Variants in DCC observed in about 807,000 individuals in gnomAD.
DCC encodes netrin receptor DCC.
DCC carries 58 observed loss-of-function variants against 172.5 expected under a neutral mutation model. That is an observed-to-expected ratio of 0.34 (90% confidence interval 0.27 to 0.42). The LOEUF (loss-of-function observed/expected upper bound fraction) is 0.42. Among genes scored for constraint, DCC ranks in the 10% least tolerant of loss-of-function variants. DCC has a pLI of 1.00. For synonymous variants in DCC, 709 were observed against 644.5 expected (o/e 1.10, Z -1.52); for missense variants, 1,740 against 1,791.0 (o/e 0.97, Z 0.51).
At chr18:53,508,297 A>G (rs896726426) in intron 27 of DCC, among the ~76,000 whole-genome samples, 2 of 151,880 alleles carry the variant, frequency 1.3e-5, no homozygotes, top group South Asian at 4.2e-4. Flanking sequence ...GGCAGTGGTT[A>G]TCCTCTCGCC....
intron 15 of DCC, among the ~76,000 whole-genome samples, chr18:53,382,937 T>C (rs1907880479): frequency 6.6e-6 from 1 of 152,148 alleles, no homozygotes; most frequent in South Asian, 2.1e-4. Context: ...TTTATAGATG[T>C]CTATCAGAGA....
At chr18:52,533,962 G>A (rs1003650176) in intron 1 of DCC, among the ~76,000 whole-genome samples, 2 of 151,952 alleles carry the variant, frequency 1.3e-5, no homozygotes, top group African/African-American at 2.4e-5. Flanking sequence ...GTGAATATGT[G>A]GACTTTGTGA....
chr18:52,518,530 A>G lies in DCC; in HGVS notation c.91+177652A>G, dbSNP rs541230556. Among the ~76,000 whole-genome samples, 3 of 152,354 alleles carry G rather than the reference A, an allele frequency of 2.0e-5. No homozygotes were observed. In the South Asian group the frequency reaches 6.2e-4, roughly 32 times the overall value. ...CTCCAATTTACAGGAAGGTAGTCATAGAATAACACTGAAATCCTTCTGACT... is the reference window on the plus strand; with the variant it reads ...CTCCAATTTACAGGAAGGTAGTCATGGAATAACACTGAAATCCTTCTGACT... On this transcript the variant is annotated intron_variant, in intron 1 of 28. Coordinates refer to ENST00000442544, the MANE Select transcript of DCC (RefSeq NM_005215.4).
intron 1 of DCC, among the ~76,000 whole-genome samples, chr18:52,468,316 C>A (rs1037657282): frequency 1.3e-5 from 2 of 152,086 alleles, no homozygotes; most frequent in African/African-American, 4.8e-5. Flanking sequence ...AAAAATTGTC[C>A]ATCGAAAAAG....
chr18:53,431,206 C>A (rs1046181747), intron 21 of DCC, among the ~76,000 whole-genome samples: 2 of 151,650 alleles, frequency 1.3e-5, no homozygotes, highest in Non-Finnish European at 2.9e-5. Flanking sequence ...CTGAAGCTAC[C>A]ATTTCCTGGT....
intron 5 of DCC, among the ~76,000 whole-genome samples, chr18:52,952,162 C>G (rs1157217713): frequency 1.3e-5 from 2 of 152,046 alleles, no homozygotes; most frequent in Admixed American, 6.6e-5. Flanking sequence ...GCATTTTTTT[C>G]CCTTTCTCTA....
At chr18:52,641,560 A>G (rs2034891391) in intron 1 of DCC, among the ~76,000 whole-genome samples, 1 of 151,612 alleles carries the variant, frequency 6.6e-6, no homozygotes, top group Non-Finnish European at 1.5e-5. Context: ...TAAAGACATG[A>G]ATAGATAATT....
chr18:53,098,406 T>C (rs1044625926), intron 7 of DCC, among the ~76,000 whole-genome samples: 1 of 152,180 alleles, frequency 6.6e-6, no homozygotes, highest in Non-Finnish European at 1.5e-5. Flanking sequence ...TTTTCTAGTT[T>C]CTTTCAATCT....
chr18:53,057,102 A>T (rs934519874), intron 5 of DCC, among the ~76,000 whole-genome samples: 2 of 144,462 alleles, frequency 1.4e-5, no homozygotes, highest in Admixed American at 6.8e-5. Flanking sequence ...AAAAAAAAAA[A>T]AGCAAGTCTT....
chr18:53,030,668 A>G (rs1010529340), intron 5 of DCC, among the ~76,000 whole-genome samples: 2 of 152,118 alleles, frequency 1.3e-5, no homozygotes, highest in Non-Finnish European at 2.9e-5. Flanking sequence ...TGGATACCAC[A>G]TTCTAACTCA....
At chr18:52,373,003 G>T (rs1366690563) in intron 1 of DCC, among the ~76,000 whole-genome samples, 1 of 152,166 alleles carries the variant, frequency 6.6e-6, no homozygotes, top group African/African-American at 2.4e-5. Flanking sequence ...CGCTAGGTTT[G>T]ATTGTGTTGA....
rs1054028306 is a variant in DCC at position 53,407,629 on chromosome 18, T to G, written c.2936-2823T>G. ...ATAAAAACATAGTGAAGGCAAATAT[T>G]TCATATATATCTATAACATATTTAT... On this transcript the variant is annotated intron_variant, in intron 19 of 28. Transcript: ENST00000442544. Among the ~76,000 whole-genome samples the G allele has an allele frequency of 2.0e-5, 3 of 148,338 alleles. No homozygotes were observed. The Admixed American group carries it at 2.0e-4, about 10-fold the overall frequency.
chr18:53,178,271 A>G (rs1246153577), intron 8 of DCC, among the ~76,000 whole-genome samples: 2 of 152,370 alleles, frequency 1.3e-5, no homozygotes, highest in Non-Finnish European at 2.9e-5. Flanking sequence ...AAATGCAACC[A>G]TGATCAGTAG....
chr18:52,467,156 C>T (rs1355752356), intron 1 of DCC, among the ~76,000 whole-genome samples: 2 of 152,034 alleles, frequency 1.3e-5, no homozygotes, highest in Admixed American at 1.3e-4. Context: ...ATCAACCTGT[C>T]ATCTACATTA....
chr18:52,886,152 C>T (rs987024465), intron 2 of DCC, among the ~76,000 whole-genome samples: 1 of 152,018 alleles, frequency 6.6e-6, no homozygotes, highest in Non-Finnish European at 1.5e-5. Flanking sequence ...CTCCTTTAGC[C>T]TCCCCATCTG....
At chr18:53,261,767 G>A (rs1023236626) in intron 12 of DCC, among the ~76,000 whole-genome samples, 2 of 152,120 alleles carry the variant, frequency 1.3e-5, no homozygotes, top group African/African-American at 4.8e-5. Flanking sequence ...CCAAAGTGCT[G>A]GGATTACAAG....
At chr18:52,394,660 C>T (rs1986152334) in intron 1 of DCC, among the ~76,000 whole-genome samples, 1 of 151,984 alleles carries the variant, frequency 6.6e-6, no homozygotes, top group Non-Finnish European at 1.5e-5. Context: ...AGGTCAGACC[C>T]TTAGGAGTTA....
chr18:53,170,611 A>G (rs551126483), intron 8 of DCC, among the ~76,000 whole-genome samples: 1 of 152,306 alleles, frequency 6.6e-6, no homozygotes, highest in Non-Finnish European at 1.5e-5. Flanking sequence ...GTATTTTGTT[A>G]TTATAAAATA....
At chr18:53,120,565 A>AT (rs1568316616) in intron 7 of DCC, among the ~76,000 whole-genome samples, 2 of 151,784 alleles carry the variant, frequency 1.3e-5, no homozygotes, top group African/African-American at 4.8e-5. Context: ...GTTTGAATTT[A>AT]CAAAAAAATC....
Sources: gnomAD v4.1 joint callset for allele counts (sites outside exome capture counted in the v4.1 genomes callset) on GRCh38, gnomAD v4.1.1 for gene constraint, MANE v1.5 for transcripts, NCBI Gene and HGNC (gene_info 2026-07-23, HGNC 2026-07-21) for gene names.